SLC35F2: variants seen among roughly 807,000 people sequenced by gnomAD.
SLC35F2 encodes queuine/queuosine transporter SLC35F2.
Under a neutral mutation model 38.1 loss-of-function variants are expected in SLC35F2, and 25 were observed. That is an observed-to-expected ratio of 0.66 (90% confidence interval 0.48 to 0.92). SLC35F2 has a LOEUF of 0.92. SLC35F2 is among the 40% of genes least tolerant of loss of function. The probability of loss-of-function intolerance (pLI) is 0.00; values close to 1 mark genes in which losing one functional copy is unlikely to be tolerated. For missense variants in SLC35F2, 409 were observed against 452.9 expected, an observed-to-expected ratio of 0.90 and a Z score of 0.88; for synonymous variants, 173 against 181.7, an observed-to-expected ratio of 0.95 and a Z score of 0.38.
intron 4 of SLC35F2, chr11:107,805,734 G>T (rs1192754139): frequency 5.5e-6 from 5 of 906,030 alleles, no homozygotes; most frequent in Non-Finnish European, 6.6e-6. Context: ...CTGGAGTGCA[G>T]TGGCGCAATC....
chr11:107,793,768 G>A (rs1859171117), intron 7 of SLC35F2, among the ~76,000 whole-genome samples: 1 of 152,084 alleles, frequency 6.6e-6, no homozygotes, highest in African/African-American at 2.4e-5. Context: ...AGGAAACAGA[G>A]CCCTGTGAGA....
chr11:107,843,443 G>A (rs546435327), intron 1 of SLC35F2, among the ~76,000 whole-genome samples: 7 of 151,910 alleles, frequency 4.6e-5, no homozygotes, highest in African/African-American at 1.4e-4. Flanking sequence ...CCAGCTACTC[G>A]GGAGGCGGAG....
chr11:107,843,437 C>T (rs1334281926), intron 1 of SLC35F2, among the ~76,000 whole-genome samples: 2 of 151,808 alleles, frequency 1.3e-5, no homozygotes, highest in African/African-American at 2.4e-5. Context: ...CTAATCCCAG[C>T]TACTCGGGAG....
chr11:107,836,565 G>A (rs1859934606), intron 1 of SLC35F2, among the ~76,000 whole-genome samples: 3 of 152,238 alleles, frequency 2.0e-5, no homozygotes, highest in Admixed American at 2.0e-4. Flanking sequence ...GTCAGAAGGA[G>A]CTATAACTAC....
chr11:107,806,343 A>C (rs1859389078), intron 4 of SLC35F2, among the ~76,000 whole-genome samples: 1 of 152,240 alleles, frequency 6.6e-6, no homozygotes, highest in South Asian at 2.1e-4. Context: ...TCACTTGTAG[A>C]CTGGGTGAAT....
At chr11:107,851,440 G>A (rs1380144090) in intron 1 of SLC35F2, among the ~76,000 whole-genome samples, 4 of 148,180 alleles carry the variant, frequency 2.7e-5, no homozygotes, top group East Asian at 2.0e-4. Flanking sequence ...TCCAGCCTGG[G>A]TGACAAGAGA....
At chr11:107,802,900 G>A (rs950713795) in intron 7 of SLC35F2, 101 bp downstream of exon 7, 1 of 1,171,500 alleles carries the variant, frequency 8.5e-7, no homozygotes, top group South Asian at 1.7e-5. Flanking sequence ...TTGCCAAGAA[G>A]ATGAGAAGGT....
intron 1 of SLC35F2, among the ~76,000 whole-genome samples, chr11:107,826,384 A>T (rs1291571841): frequency 6.6e-6 from 1 of 151,618 alleles, no homozygotes; most frequent in Non-Finnish European, 1.5e-5. Context: ...AGCTGGGATT[A>T]CAGGCATGTG....
At chr11:107,817,331 A>AGAGATG (rs1259884495) in intron 1 of SLC35F2, among the ~76,000 whole-genome samples, 3 of 152,136 alleles carry the variant, frequency 2.0e-5, no homozygotes, top group Non-Finnish European at 4.4e-5. Context: ...TGGACGGGAA[A>AGAGATG]GACTCATTAG....
rs545795000 is a variant in SLC35F2 at position 107,816,341 on chromosome 11, G to A, written c.111-376C>T. The A allele has an allele frequency of 5.3e-6, 5 of 946,918 alleles. No homozygotes were observed. In the East Asian group the frequency reaches 5.8e-4, roughly 110 times the overall value. 58.7% of individuals were successfully genotyped at this position (946,918 alleles called of 1,614,324 possible). ...CTATTGCTCAGGCTAGAGTGCAGTG[G>A]TGCAATCACAGCTCACTGCAGCCTT... On this transcript the variant is annotated intron_variant, in intron 1 of 7. Coordinates refer to ENST00000525815, the MANE Select transcript of SLC35F2 (RefSeq NM_017515.5).
At chr11:107,852,194 G>T (rs1860198135) in intron 1 of SLC35F2, among the ~76,000 whole-genome samples, 1 of 151,696 alleles carries the variant, frequency 6.6e-6, no homozygotes, top group Non-Finnish European at 1.5e-5. Flanking sequence ...AAGGGAGGTG[G>T]ATCACTTGAG....
chr11:107,804,758 T>C lies in SLC35F2; in HGVS notation c.744A>G (p.Glu248=). Residue 248 remains glutamate (E), a synonymous_variant, in exon 6 of 8, where the codon GAA becomes GAG. Transcript: ENST00000525815. The part of the protein sequence containing the change: ...IISGIQLLIV[E]YKDIASIHWD... Reference sequence around the variant, plus strand: ...AATGAATGCTGGCAATATCCTTATATTCCACAATCAATCTAAGATTAAAAC... The same window carrying C: ...AATGAATGCTGGCAATATCCTTATACTCCACAATCAATCTAAGATTAAAAC... The C allele has an allele frequency of 6.2e-7, 1 of 1,606,742 alleles. No individual in the cohort carries two copies. The highest frequency in any genetic ancestry group is 8.5e-7 in the Non-Finnish European group (1 of 1,177,380).
chr11:107,828,279 AC>A (rs1384145366), intron 1 of SLC35F2, among the ~76,000 whole-genome samples: 4 of 152,088 alleles, frequency 2.6e-5, no homozygotes, highest in African/African-American at 4.8e-5. Context: ...TATTAAAAAT[AC>A]AAAAATTAGC....
chr11:107,792,510 G>A lies in SLC35F2; in HGVS notation c.*105C>T. The A allele has an allele frequency of 7.4e-7, 1 of 1,342,700 alleles. No homozygotes were observed. The highest frequency in any genetic ancestry group is 1.0e-6 in the Non-Finnish European group (1 of 997,770). The allele number at this position is 1,342,700 out of a possible 1,614,324, so 83.2% of individuals were successfully genotyped here. On this transcript the variant is annotated 3_prime_UTR_variant, in exon 8 of 8. Transcript: ENST00000525815. The stretch of plus-strand genomic sequence containing the variant: ...ACCTAACCACTGGATCCAACCCAGG[G>A]TTGTAGAGTGTCCATTCTGAGTCTG...
intron 1 of SLC35F2, among the ~76,000 whole-genome samples, chr11:107,825,659 C>T (rs190540376): frequency 4.1e-4 from 63 of 151,998 alleles, no homozygotes; most frequent in African/African-American, 1.3e-3. Context: ...CGTGAGCCAC[C>T]GCGCCCGACC....
rs1332581974 is a variant in SLC35F2 at position 107,792,768 on chromosome 11, G to A, written c.972C>T (p.Val324=). 1.9e-6 allele frequency: 3 copies of A among 1,599,840 alleles called. No homozygotes were observed. The highest frequency in any genetic ancestry group is 1.7e-4 in the Middle Eastern group (1 of 6,046). Reference sequence around the variant, plus strand: ...AGTACAGGATAAACCCCACCATGATGACAGTGAAGGACAGGATGTAGAGTC... The same window carrying A: ...AGTACAGGATAAACCCCACCATGATAACAGTGAAGGACAGGATGTAGAGTC... The part of the protein sequence containing the change: ...FSGLYILSFT[V]IMVGFILYCS... The change falls in exon 8 of 8, where the codon GTC becomes GTT. Residue 324 remains valine (V), a synonymous_variant. Coordinates refer to ENST00000525815, the MANE Select transcript of SLC35F2 (RefSeq NM_017515.5).
intron 1 of SLC35F2, among the ~76,000 whole-genome samples, chr11:107,829,677 C>CAAAAAAAAAAAAAAAAAAAATAAA (rs59625402): frequency 1.1e-5 from 1 of 87,304 alleles, no homozygotes; most frequent in African/African-American, 3.6e-5. Context: ...TGAAATCTCA[C>CAAAAAAAAAAAAAAAAAAAATAAA]AAAAAAAAAA....
chr11:107,816,026 A>ACACG (rs1223347491), intron 1 of SLC35F2, 61 bp from the exon 2 acceptor site: 2 of 1,411,562 alleles, frequency 1.4e-6, no homozygotes, highest in Admixed American at 5.6e-5. Flanking sequence ...ACACACACAC[A>ACACG]CACACACACA....
At chr11:107,825,042 A>C (rs1859731786) in intron 1 of SLC35F2, among the ~76,000 whole-genome samples, 2 of 151,500 alleles carry the variant, frequency 1.3e-5, no homozygotes, top group Admixed American at 1.3e-4. Flanking sequence ...AATGGCTACC[A>C]AATTAGACAG....
Sources: allele counts gnomAD v4.1 joint callset (sites outside exome capture counted in the v4.1 genomes callset), GRCh38; gene constraint gnomAD v4.1.1; transcripts MANE v1.5; gene names NCBI Gene and HGNC (gene_info 2026-07-23, HGNC 2026-07-21).